The following SLC17A3 variants were observed in gnomAD, a reference collection of about 807,000 sequenced individuals.
SLC17A3 encodes sodium-dependent phosphate transport protein 4.
SLC17A3 carries 61 observed loss-of-function variants against 60.3 expected under a neutral mutation model. The observed-to-expected ratio is 1.01, with a 90% CI of 0.82 to 1.25. The LOEUF (loss-of-function observed/expected upper bound fraction) is 1.25, where lower values mean the gene tolerates loss of function less well. Among genes scored for constraint, SLC17A3 ranks in the 50% most tolerant of loss-of-function variants. The pLI is 0.00. For synonymous variants in SLC17A3, 192 were observed against 208.9 expected (o/e 0.92, Z 0.70); for missense variants, 624 against 594.9 (o/e 1.05, Z -0.51).
intron 1 of SLC17A3, among the ~76,000 whole-genome samples, chr6:25,872,213 T>C (rs1765654582): frequency 1.3e-5 from 2 of 151,840 alleles, no homozygotes; most frequent in Admixed American, 1.3e-4. Flanking sequence ...ACATCTCTTG[T>C]ATCTATATGG....
intron 3 of SLC17A3, 77 bp from the exon 4 acceptor site, chr6:25,862,106 T>C: frequency 7.2e-7 from 1 of 1,394,994 alleles, no homozygotes; most frequent in Non-Finnish European, 9.9e-7. Context: ...CCTTTAGACC[T>C]TTTGCTTGCT....
chr6:25,852,684 T>C (rs1765298795), intron 6 of SLC17A3, among the ~76,000 whole-genome samples: 1 of 152,186 alleles, frequency 6.6e-6, no homozygotes, highest in Admixed American at 6.5e-5. Flanking sequence ...TTATATTTAC[T>C]ATGTCTCCAC....
intron 5 of SLC17A3, among the ~76,000 whole-genome samples, chr6:25,860,369 G>A (rs1182848743): frequency 6.6e-6 from 1 of 152,090 alleles, no homozygotes; most frequent in Admixed American, 6.6e-5. Flanking sequence ...GCCTTCTGGG[G>A]TAGTCCTATG....
chr6:25,857,843 C>G (rs1400223074), intron 5 of SLC17A3, among the ~76,000 whole-genome samples: 1 of 152,164 alleles, frequency 6.6e-6, no homozygotes, highest in African/African-American at 2.4e-5. Flanking sequence ...GGGACAGGTT[C>G]CTGCATTGCA....
Position 25,845,176 on chromosome 6 carries a change from C to T in SLC17A3, c.*125G>A. On this transcript the variant is annotated 3_prime_UTR_variant, in exon 13 of 13. Coordinates refer to ENST00000397060, the MANE Select transcript of SLC17A3 (RefSeq NM_001098486.2). The stretch of plus-strand genomic sequence containing the variant: ...AAAAAAGTCTGAATAAAATAATGAA[C>T]TGATCTCATAATTGAAAAGAGCCAC... The T allele has an allele frequency of 1.8e-6, 1 of 545,974 alleles. No homozygotes were observed. The highest frequency in any genetic ancestry group is 3.1e-5 in the East Asian group (1 of 32,166). 33.8% of individuals were successfully genotyped at this position (545,974 alleles called of 1,614,324 possible). A position where few individuals can be genotyped will look rare whatever the true frequency, so the allele number is the denominator to read the frequency against.
chr6:25,853,872 C>G (rs1055610867), intron 6 of SLC17A3, among the ~76,000 whole-genome samples: 5 of 152,060 alleles, frequency 3.3e-5, no homozygotes, highest in Non-Finnish European at 7.4e-5. Context: ...TCTCTCTAAG[C>G]TTTGTTTTAA....
rs1244402594 is a variant in SLC17A3 at position 25,862,376 on chromosome 6, C to T, written c.160G>A (p.Ala54Thr). The change falls in exon 3 of 13, where the codon GCA becomes ACA. Residue 54 changes from alanine (A) to threonine (T), a missense_variant. Transcript: ENST00000397060. ...VLHFCNFTTI[A>T]QNVIMNITMV... ...GTGATGTTCATGATGACATTTTGTG[C>T]TATCGTTGTGAAATTGCAGAAATGT... The T allele has an allele frequency of 5.0e-6, 8 of 1,613,718 alleles. No homozygotes were observed. Among genetic ancestry groups the T allele is most frequent in the Non-Finnish European group, 6.8e-6 (8 of 1,179,734 alleles).
In SLC17A3 at chr6:25,855,160, A is replaced by G; in HGVS notation, c.696T>C (p.Phe232=). The G allele has an allele frequency of 6.2e-7, 1 of 1,612,526 alleles. No individual in the cohort carries two copies. The highest frequency in any genetic ancestry group is 8.5e-7 in the Non-Finnish European group (1 of 1,178,666). Residue 232 remains phenylalanine (F), a synonymous_variant, in exon 6 of 13, where the codon TTT becomes TTC. Transcript: ENST00000397060. ...GTAGCTTACCAAAGATATAGAAGAC[A>G]AAGGGCCACCCAAGGGTTTCACTAA... ...GFISETLGWP[F]VFYIFGGVGC...
At chr6:25,853,061 C>T (rs1437934666) in intron 6 of SLC17A3, among the ~76,000 whole-genome samples, 3 of 152,278 alleles carry the variant, frequency 2.0e-5, no homozygotes, top group Non-Finnish European at 4.4e-5. Flanking sequence ...TTTCTCACTA[C>T]TGAGGAACAA....
chr6:25,847,370 C>T (rs542037776), intron 11 of SLC17A3, among the ~76,000 whole-genome samples: 19 of 152,216 alleles, frequency 1.2e-4, no homozygotes, highest in East Asian at 1.2e-3. Flanking sequence ...CTGCAGAGAA[C>T]GTAAGTGTTC....
At chr6:25,846,471 T>C (rs977224370) in intron 11 of SLC17A3, among the ~76,000 whole-genome samples, 1 of 152,212 alleles carries the variant, frequency 6.6e-6, no homozygotes, top group African/African-American at 2.4e-5. Context: ...GTAGGTACTA[T>C]ATGATTCCAT....
In SLC17A3 at chr6:25,862,022, A is replaced by G. The variant is rs1222522496; in HGVS notation, c.311T>C (p.Val104Ala). The G allele has an allele frequency of 6.2e-7, 1 of 1,603,060 alleles. No individual in the cohort carries two copies. Among genetic ancestry groups the G allele is most frequent in the Non-Finnish European group, 8.5e-7 (1 of 1,174,204 alleles). The part of the protein sequence containing the change: ...APKSLPAKAP[V>A]YDWSPQIQGI... ...TTGGATTTGAGGAGACCAGTCATAC[A>G]CAGGAGCCTTAGAGAAACAGAGAAT... The change falls in exon 4 of 13, where the codon GTG (valine) becomes GCG (alanine). Residue 104 changes from valine (V) to alanine (A), a missense_variant. Transcript: ENST00000397060.
At chr6:25,865,948 T>A (rs1369079468) in intron 2 of SLC17A3, among the ~76,000 whole-genome samples, 2 of 151,886 alleles carry the variant, frequency 1.3e-5, no homozygotes, top group Non-Finnish European at 2.9e-5. Context: ...ATGTGAGAGG[T>A]TATATTAATG....
At chr6:25,860,471 T>C (rs1443668340) in intron 5 of SLC17A3, among the ~76,000 whole-genome samples, 1 of 152,134 alleles carries the variant, frequency 6.6e-6, no homozygotes, top group Non-Finnish European at 1.5e-5. Context: ...TAAGATCTAC[T>C]GAGGAAAGCA....
intron 10 of SLC17A3, 21 bp downstream of exon 10, chr6:25,849,784 T>C: frequency 6.2e-7 from 1 of 1,610,686 alleles, no homozygotes; most frequent in Non-Finnish European, 8.5e-7. Context: ...GTGAAACTGA[T>C]AGTGGAGATC....
intron 5 of SLC17A3, among the ~76,000 whole-genome samples, chr6:25,856,511 T>C (rs1291640965): frequency 1.3e-5 from 2 of 152,200 alleles, no homozygotes; most frequent in East Asian, 1.9e-4. Flanking sequence ...AGCACTGGAT[T>C]ACAGGCATAA....
chr6:25,861,851 G>C lies in SLC17A3; in HGVS notation c.482C>G (p.Thr161Ser). ...AATGAGCAAGACTATTCCAAAGTCA[G>C]TGGCCAGAGGGATGCATAGAGTGAG... ...SFLTLCIPLA[T>S]DFGIVLLIVT... The change falls in exon 4 of 13, where the codon ACT becomes AGT. Residue 161 changes from threonine (T) to serine (S), a missense_variant. Coordinates refer to ENST00000397060, the MANE Select transcript of SLC17A3 (RefSeq NM_001098486.2). 1 of 1,613,644 alleles carries C rather than the reference G, an allele frequency of 6.2e-7. No individual in the cohort carries two copies. The highest frequency in any genetic ancestry group is 8.5e-7 in the Non-Finnish European group (1 of 1,179,696).
At chr6:25,846,025 A>G (rs1179839896) in intron 11 of SLC17A3, among the ~76,000 whole-genome samples, 1 of 152,222 alleles carries the variant, frequency 6.6e-6, no homozygotes, top group Non-Finnish European at 1.5e-5. Flanking sequence ...AGTTTACAGC[A>G]TATGAAATAC....
intron 5 of SLC17A3, among the ~76,000 whole-genome samples, chr6:25,857,475 G>A (rs1185397844): frequency 4.0e-5 from 6 of 150,538 alleles, no homozygotes; most frequent in Admixed American, 6.6e-5. Flanking sequence ...AAGTTTTTAC[G>A]GAGCCAGATC....
Sources: gnomAD v4.1 joint callset for allele counts (sites outside exome capture counted in the v4.1 genomes callset) on GRCh38, gnomAD v4.1.1 for gene constraint, MANE v1.5 for transcripts, NCBI Gene and HGNC (gene_info 2026-07-23, HGNC 2026-07-21) for gene names.